CNTNAP5: variants seen among roughly 807,000 people sequenced by gnomAD.
The protein encoded by CNTNAP5 is contactin-associated protein-like 5.
In CNTNAP5, 72 loss-of-function variants were observed where a neutral mutation model predicts 150.2. The ratio of observed to expected loss-of-function variants is 0.48; its 90% CI spans 0.40 to 0.58. The LOEUF (loss-of-function observed/expected upper bound fraction) is 0.58, where lower values mean the gene tolerates loss of function less well. Among genes scored for constraint, CNTNAP5 ranks in the 20% least tolerant of loss-of-function variants. The pLI is 0.00. For missense variants in CNTNAP5, 1,636 were observed against 1,626.2 expected (o/e 1.01, Z -0.10); for synonymous variants, 672 against 619.8 (o/e 1.08, Z -1.25).
intron 11 of CNTNAP5, among the ~76,000 whole-genome samples, chr2:124,601,262 C>T (rs975489361): frequency 3.9e-5 from 6 of 152,110 alleles, no homozygotes; most frequent in Non-Finnish European, 8.8e-5. Context: ...TCTTCAGCTC[C>T]GAGATATTCC....
At chr2:124,710,956 T>G (rs575282447) in intron 13 of CNTNAP5, among the ~76,000 whole-genome samples, 1 of 152,164 alleles carries the variant, frequency 6.6e-6, no homozygotes, top group East Asian at 1.9e-4. Flanking sequence ...TTTTTTGAAT[T>G]TATCATCCCT....
intron 2 of CNTNAP5, 70 bp downstream of exon 2, chr2:124,221,879 GAGCACT>G: frequency 1.0e-6 from 1 of 984,346 alleles, no homozygotes; most frequent in Non-Finnish European, 1.6e-6. Flanking sequence ...GAAGGAGAGT[GAGCACT>G]CTCAGACACT....
intron 8 of CNTNAP5, among the ~76,000 whole-genome samples, chr2:124,518,774 G>T (rs940186004): frequency 4.6e-5 from 7 of 151,866 alleles, no homozygotes; most frequent in African/African-American, 1.5e-4. Flanking sequence ...ATCACTTGAG[G>T]TCAGGAGTTC....
At chr2:124,163,065 C>T (rs1684724384) in intron 1 of CNTNAP5, among the ~76,000 whole-genome samples, 1 of 152,106 alleles carries the variant, frequency 6.6e-6, no homozygotes, top group South Asian at 2.1e-4. Flanking sequence ...ACCCTTTCTC[C>T]TACGACCATT....
At chr2:124,145,769 A>T (rs1194624874) in intron 1 of CNTNAP5, among the ~76,000 whole-genome samples, 1 of 129,768 alleles carries the variant, frequency 7.7e-6, no homozygotes, top group Non-Finnish European at 1.6e-5. Context: ...CAATGTGCAC[A>T]TGTACCCTAA....
At chr2:124,637,582 G>A (rs997389491) in intron 12 of CNTNAP5, among the ~76,000 whole-genome samples, 7 of 152,268 alleles carry the variant, frequency 4.6e-5, no homozygotes, top group Non-Finnish European at 8.8e-5. Context: ...GTAGTATTAC[G>A]TGAGCACACT....
At chr2:124,901,731 C>G (rs200683543) in intron 21 of CNTNAP5, among the ~76,000 whole-genome samples, 9 of 152,074 alleles carry the variant, frequency 5.9e-5, no homozygotes, top group Admixed American at 5.2e-4. Context: ...TAACAATACA[C>G]GATTTGATTT....
intron 19 of CNTNAP5, among the ~76,000 whole-genome samples, chr2:124,857,291 G>A (rs1260628025): frequency 6.6e-6 from 1 of 151,988 alleles, no homozygotes; most frequent in Non-Finnish European, 1.5e-5. Context: ...TACTGGACTC[G>A]GCATATAAGG....
intron 6 of CNTNAP5, among the ~76,000 whole-genome samples, chr2:124,472,272 A>G (rs1177315684): frequency 6.6e-6 from 1 of 152,064 alleles, no homozygotes; most frequent in African/African-American, 2.4e-5. Context: ...GAATAAAACT[A>G]AGCATTCATT....
chr2:124,689,771 AT>A (rs531489894), intron 13 of CNTNAP5, among the ~76,000 whole-genome samples: 133 of 152,144 alleles, frequency 8.7e-4, no homozygotes, highest in Non-Finnish European at 1.5e-3. Flanking sequence ...TCTTCATAAT[AT>A]TTTTATTCTT....
chr2:124,162,548 T>C (rs540012022), intron 1 of CNTNAP5, among the ~76,000 whole-genome samples: 26 of 152,248 alleles, frequency 1.7e-4, no homozygotes, highest in African/African-American at 6.0e-4. Context: ...TTATCATTGA[T>C]TTGGGAAAGA....
intron 2 of CNTNAP5, 81 bp from the exon 3 acceptor site, chr2:124,242,119 C>A (rs552568000): frequency 6.1e-6 from 7 of 1,154,858 alleles, no homozygotes; most frequent in Non-Finnish European, 8.7e-6. Flanking sequence ...AACACTGTTT[C>A]ATTTCCCTTT....
At chr2:124,662,992 G>C (rs1678623763) in intron 13 of CNTNAP5, among the ~76,000 whole-genome samples, 1 of 152,178 alleles carries the variant, frequency 6.6e-6, no homozygotes. Flanking sequence ...AGCTGAAATG[G>C]GCCAGGCTTT....
rs371668964 is a variant in CNTNAP5, at chr2:124,856,247, G to A, written c.3218-9059G>A. Among the ~76,000 whole-genome samples, 151 of 152,192 alleles carry A rather than the reference G, an allele frequency of 9.9e-4. 1 individual carries two copies. The highest frequency in any genetic ancestry group is 3.5e-3 in the African/African-American group (144 of 41,504). On this transcript the variant is annotated intron_variant, in intron 19 of 23. Coordinates refer to ENST00000682447, the MANE Select transcript of CNTNAP5 (RefSeq NM_001367498.1). ...TCTTAATCTGCTAGTTGATTGATGG[G>A]CATTTGGGCTGGTTCCATATTTTTG... is the stretch of plus-strand genomic sequence containing the variant.
intron 3 of CNTNAP5, among the ~76,000 whole-genome samples, chr2:124,371,949 T>C (rs1299200824): frequency 6.6e-6 from 1 of 152,004 alleles, no homozygotes; most frequent in African/African-American, 2.4e-5. Context: ...GCTAGGCAGC[T>C]GGTGAAGCAT....
chr2:124,460,323 G>A (rs1308627506), intron 6 of CNTNAP5, among the ~76,000 whole-genome samples: 2 of 152,102 alleles, frequency 1.3e-5, no homozygotes, highest in Non-Finnish European at 2.9e-5. Context: ...ACTCCATCCA[G>A]AAAAGTACTT....
chr2:124,054,752 T>C (rs1681800668), intron 1 of CNTNAP5, among the ~76,000 whole-genome samples: 1 of 152,206 alleles, frequency 6.6e-6, no homozygotes, highest in Non-Finnish European at 1.5e-5. Flanking sequence ...AGCCCCTTCC[T>C]GCTGTTCGTT....
intron 13 of CNTNAP5, among the ~76,000 whole-genome samples, chr2:124,702,759 C>T (rs1240995122): frequency 6.6e-6 from 1 of 152,024 alleles, no homozygotes; most frequent in African/African-American, 2.4e-5. Context: ...AAAGATACAA[C>T]TGAATTTAAG....
intron 13 of CNTNAP5, among the ~76,000 whole-genome samples, chr2:124,699,437 A>C (rs1679473927): frequency 6.6e-6 from 1 of 152,166 alleles, no homozygotes; most frequent in Admixed American, 6.5e-5. Context: ...CATTGGAAGC[A>C]TGGCCAAAGT....
Sources: gnomAD v4.1 joint callset for allele counts (sites outside exome capture counted in the v4.1 genomes callset) on GRCh38, gnomAD v4.1.1 for gene constraint, MANE v1.5 for transcripts, NCBI Gene and HGNC (gene_info 2026-07-23, HGNC 2026-07-21) for gene names.